The following NEK11 variants were observed in gnomAD, a reference collection of about 807,000 sequenced individuals.
The protein encoded by NEK11 is NIMA related kinase 11.
Under a neutral mutation model 80.7 loss-of-function variants are expected in NEK11, and 72 were observed. The observed-to-expected ratio is 0.89, with a 90% CI of 0.74 to 1.08. The LOEUF is 1.08. NEK11 is among the 50% of genes least tolerant of loss of function. NEK11 has a pLI of 0.00. For synonymous variants in NEK11, 251 were observed against 260.7 expected (o/e 0.96, Z 0.36); for missense variants, 764 against 763.6 (o/e 1.00, Z -0.01).
intron 17 of NEK11, among the ~76,000 whole-genome samples, chr3:131,299,953 A>T (rs917267830): frequency 6.6e-6 from 1 of 152,176 alleles, no homozygotes; most frequent in Non-Finnish European, 1.5e-5. Context: ...GAAATTATCA[A>T]GTTGGTTTCC....
At chr3:131,342,641 C>G (rs2097303698) in intron 17 of NEK11, among the ~76,000 whole-genome samples, 1 of 151,174 alleles carries the variant, frequency 6.6e-6, no homozygotes, top group Non-Finnish European at 1.5e-5. Flanking sequence ...TTGAGGCTTC[C>G]AGTTTAACAG....
At chr3:131,052,612 A>G (rs979833037) in intron 3 of NEK11, among the ~76,000 whole-genome samples, 14 of 152,154 alleles carry the variant, frequency 9.2e-5, no homozygotes, top group African/African-American at 3.1e-4. Flanking sequence ...TTACCTTGCC[A>G]CCGTATGTCT....
At chr3:131,032,084 C>A (rs2064944131) in intron 3 of NEK11, among the ~76,000 whole-genome samples, 1 of 151,994 alleles carries the variant, frequency 6.6e-6, no homozygotes, top group Non-Finnish European at 1.5e-5. Flanking sequence ...ACCTCAGCCT[C>A]CCAAGTAGCT....
chr3:131,104,366 A>T (rs1273493253), intron 4 of NEK11, among the ~76,000 whole-genome samples: 1 of 152,088 alleles, frequency 6.6e-6, no homozygotes, highest in Non-Finnish European at 1.5e-5. Context: ...AAGTTCAGAG[A>T]GCTGCATGGA....
chr3:131,117,218 T>C (rs1578526240), intron 5 of NEK11, among the ~76,000 whole-genome samples: 1 of 152,172 alleles, frequency 6.6e-6, no homozygotes, highest in East Asian at 1.9e-4. Context: ...CCCAGCACCA[T>C]TTATTAAAGA....
At chr3:131,129,022 A>G (rs1006028901) in intron 5 of NEK11, among the ~76,000 whole-genome samples, 4 of 149,930 alleles carry the variant, frequency 2.7e-5, no homozygotes, top group African/African-American at 9.8e-5. Flanking sequence ...GTTGAGTTTT[A>G]ATAGTTCTTT....
intron 17 of NEK11, among the ~76,000 whole-genome samples, chr3:131,322,609 T>C (rs1259954989): frequency 6.6e-6 from 1 of 152,152 alleles, no homozygotes; most frequent in African/African-American, 2.4e-5. Context: ...ATGAAGAACT[T>C]GGGGTCTCAT....
intron 17 of NEK11, among the ~76,000 whole-genome samples, chr3:131,345,902 G>A (rs544760175): frequency 8.6e-5 from 13 of 151,844 alleles, no homozygotes; most frequent in Non-Finnish European, 1.3e-4. Context: ...AGGACATTAC[G>A]CTAAGTGAAA....
At chr3:131,292,531 T>G (rs2096554706) in intron 17 of NEK11, among the ~76,000 whole-genome samples, 1 of 151,816 alleles carries the variant, frequency 6.6e-6, no homozygotes, top group Non-Finnish European at 1.5e-5. Flanking sequence ...TTTTTTTTTT[T>G]TAGAGATAGA....
chr3:131,241,212 G>A (rs747567520), intron 15 of NEK11, among the ~76,000 whole-genome samples: 1 of 151,930 alleles, frequency 6.6e-6, no homozygotes, highest in Non-Finnish European at 1.5e-5. Flanking sequence ...GAAAGAGGAG[G>A]GTTTCTAAAT....
At chr3:131,335,957 T>C (rs1329159556) in intron 17 of NEK11, among the ~76,000 whole-genome samples, 1 of 151,884 alleles carries the variant, frequency 6.6e-6, no homozygotes, top group African/African-American at 2.4e-5. Flanking sequence ...CACTGCTCAA[T>C]GAAATAAAAG....
intron 3 of NEK11, among the ~76,000 whole-genome samples, chr3:131,068,668 G>A (rs940420639): frequency 1.3e-5 from 2 of 152,112 alleles, no homozygotes; most frequent in Non-Finnish European, 2.9e-5. Flanking sequence ...TGTAGCAAGT[G>A]CTTTGTGACT....
intron 3 of NEK11, among the ~76,000 whole-genome samples, chr3:131,066,905 T>A (rs1248192286): frequency 2.6e-5 from 4 of 151,920 alleles, no homozygotes; most frequent in Admixed American, 1.3e-4. Flanking sequence ...TTCATTATTA[T>A]TGAGTGTGGT....
chr3:131,325,043 G>GA, intron 17 of NEK11: 1 of 152,154 alleles, frequency 6.6e-6, no homozygotes, highest in Non-Finnish European at 1.5e-5. Context: ...ACCTGTGTCT[G>GA]AAAAGCTCAG....
At chr3:131,204,939 G>A (rs2094398963) in intron 14 of NEK11, among the ~76,000 whole-genome samples, 1 of 152,082 alleles carries the variant, frequency 6.6e-6, no homozygotes, top group African/African-American at 2.4e-5. Flanking sequence ...TCCATTGAGG[G>A]TGCTAATTTT....
chr3:131,314,879 GACAA>G (rs1253438715), intron 17 of NEK11, among the ~76,000 whole-genome samples: 1 of 152,104 alleles, frequency 6.6e-6, no homozygotes. Context: ...AAATATAGCA[GACAA>G]ACAAGCTTCA....
chr3:131,345,040 T>G (rs2097341145), intron 17 of NEK11, among the ~76,000 whole-genome samples: 1 of 152,262 alleles, frequency 6.6e-6, no homozygotes, highest in South Asian at 2.1e-4. Flanking sequence ...TTTGATTTAT[T>G]ATTTGCATCT....
At chr3:131,332,936 G>T (rs1417607771) in intron 17 of NEK11, among the ~76,000 whole-genome samples, 1 of 152,122 alleles carries the variant, frequency 6.6e-6, no homozygotes. Context: ...AAAAAGAAAT[G>T]AACAAAGCCT....
intron 15 of NEK11, among the ~76,000 whole-genome samples, chr3:131,234,629 AC>A (rs954296009): frequency 8.7e-5 from 13 of 148,868 alleles, no homozygotes; most frequent in African/African-American, 3.2e-4. Flanking sequence ...TTCCACCCCT[AC>A]CCCCCATCCC....
Sources: allele counts gnomAD v4.1 joint callset (sites outside exome capture counted in the v4.1 genomes callset), GRCh38; gene constraint gnomAD v4.1.1; transcripts MANE v1.5; gene names NCBI Gene and HGNC (gene_info 2026-07-23, HGNC 2026-07-21).